Variants in STK39 observed in about 807,000 individuals in gnomAD.
STK39 encodes the protein serine/threonine kinase 39.
Under a neutral mutation model 77.8 loss-of-function variants are expected in STK39, and 20 were observed. That is an observed-to-expected ratio of 0.26 (90% CI 0.18 to 0.37). The LOEUF (loss-of-function observed/expected upper bound fraction) is 0.37, where lower values mean the gene tolerates loss of function less well. STK39 is among the 10% of genes least tolerant of loss of function. The pLI is 1.00. For missense variants in STK39, 479 were observed against 656.5 expected (o/e 0.73, Z 2.95); for synonymous variants, 246 against 234.1 (o/e 1.05, Z -0.47).
chr2:168,218,174 G>A (rs938205509), intron 1 of STK39, among the ~76,000 whole-genome samples: 1 of 152,224 alleles, frequency 6.6e-6, no homozygotes, highest in African/African-American at 2.4e-5. Flanking sequence ...AATTGGAAGA[G>A]AGTTCCCAGA....
intron 1 of STK39, among the ~76,000 whole-genome samples, chr2:168,200,273 A>G (rs1380729365): frequency 1.3e-5 from 2 of 152,360 alleles, no homozygotes; most frequent in Non-Finnish European, 2.9e-5. Context: ...CTTAGGGATC[A>G]GCACATGTTA....
At chr2:168,029,598 G>A (rs1459182577) in intron 14 of STK39, among the ~76,000 whole-genome samples, 11 of 152,266 alleles carry the variant, frequency 7.2e-5, no homozygotes, top group Admixed American at 7.2e-4. Flanking sequence ...TACCTCAACA[G>A]AGGGAGCTCA....
At chr2:167,994,659 C>A (rs1459516735) in intron 16 of STK39, among the ~76,000 whole-genome samples, 8 of 152,296 alleles carry the variant, frequency 5.3e-5, no homozygotes. Flanking sequence ...ATGGATTTAA[C>A]CATTGTGGAT....
chr2:168,224,084 T>C (rs142560182), intron 1 of STK39, among the ~76,000 whole-genome samples: 1 of 152,240 alleles, frequency 6.6e-6, no homozygotes, highest in Admixed American at 6.5e-5. Flanking sequence ...AGATTATATA[T>C]AGTCATATGT....
At chr2:168,066,578 T>C (rs1685800776) in intron 12 of STK39, among the ~76,000 whole-genome samples, 1 of 152,258 alleles carries the variant, frequency 6.6e-6, no homozygotes, top group East Asian at 1.9e-4. Context: ...TCAGTACTTA[T>C]AAACATTATT....
chr2:167,995,096 T>C (rs988753636), intron 16 of STK39, among the ~76,000 whole-genome samples: 5 of 128,206 alleles, frequency 3.9e-5, no homozygotes, highest in South Asian at 2.3e-4. Flanking sequence ...ATATTATATA[T>C]ATATTTTTCT....
At chr2:167,998,004 C>A (rs533144694) in intron 16 of STK39, among the ~76,000 whole-genome samples, 18 of 152,272 alleles carry the variant, frequency 1.2e-4, no homozygotes, top group African/African-American at 3.1e-4. Context: ...ATAATAATTT[C>A]TATGTCATTC....
chr2:168,151,738 C>CA (rs146231233), intron 5 of STK39, among the ~76,000 whole-genome samples: 1,311 of 111,386 alleles, frequency 0.012, 6 homozygotes, highest in Non-Finnish European at 0.018. Context: ...GACTCGGTCT[C>CA]AAAAAAAAAA....
intron 1 of STK39, among the ~76,000 whole-genome samples, chr2:168,221,471 A>G (rs1690168640): frequency 6.6e-6 from 1 of 152,238 alleles, no homozygotes; most frequent in Non-Finnish European, 1.5e-5. Context: ...GTATGAAAAC[A>G]TTAGTCCTGT....
intron 10 of STK39, among the ~76,000 whole-genome samples, chr2:168,116,770 A>G (rs984321831): frequency 2.0e-5 from 3 of 152,186 alleles, no homozygotes; most frequent in Non-Finnish European, 4.4e-5. Flanking sequence ...TAAAAGTGCC[A>G]TTACTTTCCA....
chr2:168,158,593 C>T (rs1688493550), intron 5 of STK39, among the ~76,000 whole-genome samples: 1 of 152,186 alleles, frequency 6.6e-6, no homozygotes, highest in South Asian at 2.1e-4. Flanking sequence ...TAAGGTCCTC[C>T]TCCTGGAAAT....
chr2:168,114,414 A>C (rs1035259743), intron 10 of STK39, among the ~76,000 whole-genome samples: 1 of 152,168 alleles, frequency 6.6e-6, no homozygotes, highest in South Asian at 2.1e-4. Context: ...AGGGAGAAGA[A>C]GGCAAAAAAA....
intron 8 of STK39, among the ~76,000 whole-genome samples, chr2:168,133,183 G>A (rs1206253375): frequency 6.6e-6 from 1 of 152,154 alleles, no homozygotes; most frequent in Non-Finnish European, 1.5e-5. Flanking sequence ...AAGTACCAGG[G>A]ATACCTTGAG....
At chr2:168,163,662 G>T in intron 4 of STK39, 77 bp downstream of exon 4, 1 of 1,607,736 alleles carries the variant, frequency 6.2e-7, no homozygotes, top group Non-Finnish European at 8.5e-7. Context: ...GACCGTTTCT[G>T]TGTAGACAGT....
chr2:168,136,338 T>C (rs546577010), intron 8 of STK39, among the ~76,000 whole-genome samples: 10 of 140,228 alleles, frequency 7.1e-5, no homozygotes, highest in Admixed American at 1.5e-4. Context: ...CACTGCACTC[T>C]AGCCCAGTGA....
chr2:168,187,093 C>T (rs1316413658), intron 1 of STK39, among the ~76,000 whole-genome samples: 1 of 152,240 alleles, frequency 6.6e-6, no homozygotes, highest in Admixed American at 6.5e-5. Context: ...TGGCTCACGC[C>T]TGTAATCCCA....
intron 10 of STK39, among the ~76,000 whole-genome samples, chr2:168,103,308 T>C (rs1686884734): frequency 6.6e-6 from 1 of 152,232 alleles, no homozygotes; most frequent in Non-Finnish European, 1.5e-5. Flanking sequence ...GCTACACTGT[T>C]TGCATCTTTG....
chr2:168,203,341 A>C (rs1689659584), intron 1 of STK39, among the ~76,000 whole-genome samples: 1 of 152,188 alleles, frequency 6.6e-6, no homozygotes, highest in Non-Finnish European at 1.5e-5. Flanking sequence ...GGAGAACTAA[A>C]ACTGCCTGAA....
At chr2:168,027,606 G>A (rs573094381) in intron 14 of STK39, among the ~76,000 whole-genome samples, 7 of 152,218 alleles carry the variant, frequency 4.6e-5, no homozygotes, top group East Asian at 1.9e-4. Flanking sequence ...GTACACACAC[G>A]TACATGCACA....
Sources: allele counts gnomAD v4.1 joint callset (sites outside exome capture counted in the v4.1 genomes callset), GRCh38; gene constraint gnomAD v4.1.1; transcripts MANE v1.5; gene names NCBI Gene and HGNC (gene_info 2026-07-23, HGNC 2026-07-21).